TYW1B: variants seen among roughly 807,000 people sequenced by gnomAD.
TYW1B encodes S-adenosyl-L-methionine-dependent tRNA 4-demethylwyosine synthase TYW1B.
A neutral mutation model predicts 86.9 loss-of-function variants in TYW1B; 73 were observed. That is an observed-to-expected ratio of 0.84 (90% CI 0.70 to 1.02). The LOEUF is 1.02. TYW1B is among the 50% of genes least tolerant of loss of function. TYW1B has a pLI of 0.00. For missense variants in TYW1B, 637 were observed against 827.4 expected, an observed-to-expected ratio of 0.77 and a Z score of 2.82; for synonymous variants, 248 against 292.8, an observed-to-expected ratio of 0.85 and a Z score of 1.56.
rs1396291432 is a variant in TYW1B, at chr7:72,593,030, C to T, written c.1786-17311G>A. ...AGAAAATAAAGCACTTGGATGGGCACGGTGGCTCACACCTGTAATCCCAGC... is the reference window on the plus strand; with the variant it reads ...AGAAAATAAAGCACTTGGATGGGCATGGTGGCTCACACCTGTAATCCCAGC... On this transcript the variant is annotated intron_variant, in intron 13 of 13. Transcript: ENST00000620995. Among the ~76,000 whole-genome samples the T allele has an allele frequency of 2.0e-5, 3 of 152,192 alleles. No homozygotes were observed. In the East Asian group the frequency reaches 5.8e-4, roughly 29 times the overall value.
intron 7 of TYW1B, among the ~76,000 whole-genome samples, chr7:72,774,086 CAAAG>C (rs1294432558): frequency 1.3e-4 from 17 of 132,442 alleles, no homozygotes; most frequent in South Asian, 5.0e-4. Flanking sequence ...AAAAAAGAAA[CAAAG>C]AAACTATCCC....
intron 10 of TYW1B, among the ~76,000 whole-genome samples, chr7:72,710,160 T>A (rs1786610382): frequency 6.6e-6 from 1 of 152,188 alleles, no homozygotes; most frequent in Non-Finnish European, 1.5e-5. Context: ...CAATGAATCA[T>A]CTTCTCTGGT....
At chr7:72,621,422 C>G (rs1188448399) in intron 12 of TYW1B, among the ~76,000 whole-genome samples, 3 of 152,338 alleles carry the variant, frequency 2.0e-5, no homozygotes, top group Middle Eastern at 6.8e-3. Context: ...CACCTGCCTC[C>G]GTAGCTTGCG....
chr7:72,704,433 T>TAA (rs1162253814), intron 10 of TYW1B, among the ~76,000 whole-genome samples: 4 of 93,220 alleles, frequency 4.3e-5, no homozygotes, highest in East Asian at 3.0e-4. Flanking sequence ...GATTCTATCT[T>TAA]AAAAAAAAAA....
chr7:72,636,620 T>C (rs1554440788), intron 11 of TYW1B, among the ~76,000 whole-genome samples: 2 of 152,234 alleles, frequency 1.3e-5, no homozygotes, highest in South Asian at 4.1e-4. Flanking sequence ...TACAAGATTT[T>C]AATCATAAAT....
At chr7:72,593,158 G>A (rs1262583283) in intron 13 of TYW1B, among the ~76,000 whole-genome samples, 35 of 151,990 alleles carry the variant, frequency 2.3e-4, no homozygotes, top group African/African-American at 8.0e-4. Flanking sequence ...TGGGCATGGT[G>A]GCACATGCCT....
intron 10 of TYW1B, among the ~76,000 whole-genome samples, chr7:72,711,021 C>T (rs1786650170): frequency 6.6e-6 from 1 of 152,094 alleles, no homozygotes; most frequent in Non-Finnish European, 1.5e-5. Flanking sequence ...GAAATCACTT[C>T]CAACTACAAG....
At chr7:72,721,236 A>G (rs146512951) in intron 9 of TYW1B, among the ~76,000 whole-genome samples, 2,820 of 152,244 alleles carry the variant, frequency 0.019, 80 homozygotes, top group African/African-American at 0.064. Flanking sequence ...TAACAGCATG[A>G]TTTATAATCC....
intron 2 of TYW1B, among the ~76,000 whole-genome samples, chr7:72,815,692 C>T (rs1274305609): frequency 5.9e-5 from 9 of 152,058 alleles, no homozygotes; most frequent in African/African-American, 2.2e-4. Flanking sequence ...TCAGGGTTTA[C>T]GTAGGACTGA....
chr7:72,828,192 C>T lies in TYW1B; in HGVS notation c.-117G>A, dbSNP rs7794846. 1.6e-3 allele frequency: 2,415 copies of T among 1,557,646 alleles called. 34 individuals are homozygous for T. In the African/African-American group the frequency reaches 0.021, roughly 13 times the overall value. On this transcript the variant is annotated 5_prime_UTR_variant, in exon 1 of 14. Coordinates refer to ENST00000620995, the MANE Select transcript of TYW1B (RefSeq NM_001145440.3). ...GCGTTAGCGCCGTACCGAGTGGCTG[C>T]AGAACTGTGGGCAGCTACGACGCTG...
In TYW1B at chr7:72,632,399, T is replaced by A. The variant is rs10279121; in HGVS notation, c.1507-3402A>T. On this transcript the variant is annotated intron_variant, in intron 11 of 13. Coordinates refer to ENST00000620995, the MANE Select transcript of TYW1B (RefSeq NM_001145440.3). ...TATTATATATATACGTATATATATA[T>A]AATATATATATACATATATATATAA... Among the ~76,000 whole-genome samples, 833 of 94,472 alleles carry A rather than the reference T, an allele frequency of 8.8e-3. 48 individuals are homozygous for A. The highest frequency in any genetic ancestry group is 0.052 in the African/African-American group (691 of 13,390). 62.0% of individuals were successfully genotyped at this position (94,472 alleles called of 152,430 possible).
intron 11 of TYW1B, among the ~76,000 whole-genome samples, chr7:72,650,672 C>A (rs1233358178): frequency 6.6e-6 from 1 of 152,094 alleles, no homozygotes. Context: ...AAGCTCCTGG[C>A]CAGGAATTGG....
At chr7:72,726,812 G>A (rs1218130262) in intron 9 of TYW1B, among the ~76,000 whole-genome samples, 1 of 152,142 alleles carries the variant, frequency 6.6e-6, no homozygotes, top group Non-Finnish European at 1.5e-5. Context: ...ATTTATAAAG[G>A]AAAAGAGGTT....
intron 11 of TYW1B, among the ~76,000 whole-genome samples, chr7:72,652,034 C>T (rs570489248): frequency 5.8e-4 from 89 of 152,214 alleles, no homozygotes; most frequent in African/African-American, 2.0e-3. Flanking sequence ...TCGCCCACCT[C>T]AGCCTCCCGG....
At chr7:72,810,392 T>TTG (rs1481132569) in intron 4 of TYW1B, 79 bp downstream of exon 4, 2 of 113,204 alleles carry the variant, frequency 1.8e-5, no homozygotes, top group East Asian at 7.8e-5. Context: ...GCACGTGTGT[T>TTG]TGTGTGTGTG....
rs578224608 is a variant in TYW1B, at chr7:72,711,729, C to T, written c.1370+1892G>A. Among the ~76,000 whole-genome samples the T allele has an allele frequency of 2.6e-5, 4 of 151,882 alleles. No individual in the cohort carries two copies. In the South Asian group the frequency reaches 8.3e-4, roughly 32 times the overall value. On this transcript the variant is annotated intron_variant, in intron 10 of 13. Transcript: ENST00000620995. ...GTCTCAATCTCCTGACCTGGTGATC[C>T]GCCCGTCTCAGCCTCCCAAAGTGCT...
chr7:72,620,396 C>G (rs1554437749), intron 12 of TYW1B, among the ~76,000 whole-genome samples: 1 of 152,102 alleles, frequency 6.6e-6, no homozygotes. Context: ...GACTCTGTCT[C>G]AAAACAAAAC....
intron 11 of TYW1B, among the ~76,000 whole-genome samples, chr7:72,645,116 C>T (rs1438417775): frequency 2.0e-5 from 3 of 152,064 alleles, no homozygotes; most frequent in African/African-American, 7.2e-5. Flanking sequence ...CGTGAGCCGC[C>T]GCGCCCAGCC....
intron 13 of TYW1B, among the ~76,000 whole-genome samples, chr7:72,599,770 A>C (rs1483008306): frequency 1.3e-5 from 2 of 152,202 alleles, no homozygotes; most frequent in East Asian, 1.9e-4. Flanking sequence ...TTTGAAATTC[A>C]AAACAATCAT....
Sources: gnomAD v4.1 joint callset for allele counts (sites outside exome capture counted in the v4.1 genomes callset) on GRCh38, gnomAD v4.1.1 for gene constraint, MANE v1.5 for transcripts, NCBI Gene and HGNC (gene_info 2026-07-23, HGNC 2026-07-21) for gene names.